CSMD3: variants seen among roughly 807,000 people sequenced by gnomAD.
CSMD3 encodes the protein CUB and sushi domain-containing protein 3.
Under a neutral mutation model 435.2 loss-of-function variants are expected in CSMD3, and 177 were observed. That is an observed-to-expected ratio of 0.41 (90% CI 0.36 to 0.46). The LOEUF is 0.46. Among genes scored for constraint, CSMD3 ranks in the 20% least tolerant of loss-of-function variants. CSMD3 has a pLI of 0.34. For missense variants in CSMD3, 4,265 were observed against 4,504.6 expected, an observed-to-expected ratio of 0.95 and a Z score of 1.52; for synonymous variants, 1,656 against 1,520.5, an observed-to-expected ratio of 1.09 and a Z score of -2.07.
At chr8:112,653,541 T>A (rs945845537) in intron 18 of CSMD3, among the ~76,000 whole-genome samples, 8 of 151,994 alleles carry the variant, frequency 5.3e-5, no homozygotes, top group African/African-American at 1.9e-4. Flanking sequence ...TACAACATAA[T>A]AAACAGACGT....
At chr8:113,057,565 AT>A (rs1375432090) in intron 5 of CSMD3, among the ~76,000 whole-genome samples, 5 of 152,072 alleles carry the variant, frequency 3.3e-5, no homozygotes, top group Admixed American at 2.0e-4. Context: ...TTTTGGCCAT[AT>A]TATTATCACT....
intron 5 of CSMD3, among the ~76,000 whole-genome samples, chr8:113,058,491 G>T (rs2088451185): frequency 6.6e-6 from 1 of 151,738 alleles, no homozygotes; most frequent in Admixed American, 6.6e-5. Flanking sequence ...AAAAATGTTG[G>T]AAATACAGCC....
intron 10 of CSMD3, among the ~76,000 whole-genome samples, chr8:112,877,990 T>C (rs2081337162): frequency 6.6e-6 from 1 of 152,112 alleles, no homozygotes; most frequent in Admixed American, 6.6e-5. Flanking sequence ...GGCAATACTA[T>C]TTAGGACATA....
chr8:112,963,359 T>G (rs1476243276), intron 7 of CSMD3, among the ~76,000 whole-genome samples: 1 of 151,946 alleles, frequency 6.6e-6, no homozygotes, highest in Admixed American at 6.6e-5. Context: ...TTAGGCAACA[T>G]TCTATTGTTT....
intron 10 of CSMD3, among the ~76,000 whole-genome samples, chr8:112,906,478 C>T (rs554028496): frequency 6.6e-6 from 1 of 151,422 alleles, no homozygotes; most frequent in African/African-American, 2.4e-5. Context: ...AAAAAAACGT[C>T]TCTAATAATT....
intron 13 of CSMD3, among the ~76,000 whole-genome samples, chr8:112,723,913 T>C (rs1165632958): frequency 6.6e-6 from 1 of 152,012 alleles, no homozygotes; most frequent in African/African-American, 2.4e-5. Context: ...CTAAGCCATG[T>C]ATTGTTCTAG....
chr8:112,383,495 A>G (rs892614696), intron 37 of CSMD3, 72 bp downstream of exon 37: 125 of 828,922 alleles, frequency 1.5e-4, no homozygotes, highest in Admixed American at 9.2e-5. Context: ...TAAGAGTTGT[A>G]GATAGCTCTT....
In CSMD3 at chr8:112,291,541, T is replaced by A; in HGVS notation, c.8943A>T (p.Gly2981=). 1.2e-6 allele frequency: 2 copies of A among 1,611,278 alleles called. No individual in the cohort carries two copies. The highest frequency in any genetic ancestry group is 3.3e-5 in the Admixed American group (2 of 59,826). ...GSSVLICQPN[G]QWDKPLPECI... is the part of the protein sequence containing the mutation. ...ATTCTGGTAAAGGTTTGTCCCATTGTCCATTTGGTTGACATATCAAAACTG... is the reference window on the plus strand; with the variant it reads ...ATTCTGGTAAAGGTTTGTCCCATTGACCATTTGGTTGACATATCAAAACTG... The change falls in exon 56 of 71, where the codon GGA becomes GGT. Residue 2981 remains glycine (G), a synonymous_variant. Transcript: ENST00000297405.
At chr8:112,500,609 C>T (rs1205291574) in intron 30 of CSMD3, among the ~76,000 whole-genome samples, 5 of 152,102 alleles carry the variant, frequency 3.3e-5, no homozygotes, top group Admixed American at 2.6e-4. Flanking sequence ...GATAATGATA[C>T]AGGAGTTAAT....
intron 2 of CSMD3, chr8:113,309,661 C>T (rs2093852183): frequency 6.6e-6 from 1 of 152,124 alleles, no homozygotes; most frequent in African/African-American, 2.4e-5. Flanking sequence ...TGACTATGAC[C>T]TTGTGATAAT....
chr8:112,425,147 C>T (rs1036490672), intron 32 of CSMD3, among the ~76,000 whole-genome samples: 1 of 152,074 alleles, frequency 6.6e-6, no homozygotes, highest in African/African-American at 2.4e-5. Context: ...ATCAAAAAGC[C>T]TCATGTAAAT....
At chr8:112,571,156 T>A (rs924017895) in intron 24 of CSMD3, among the ~76,000 whole-genome samples, 1 of 152,048 alleles carries the variant, frequency 6.6e-6, no homozygotes, top group Admixed American at 6.6e-5. Context: ...TACAGGCATG[T>A]GCCACCACGC....
At chr8:113,434,218 ACTGCCTGC>A (rs2094691811) in intron 1 of CSMD3, among the ~76,000 whole-genome samples, 1 of 152,016 alleles carries the variant, frequency 6.6e-6, no homozygotes, top group Non-Finnish European at 1.5e-5. Context: ...CACGTGGAAA[ACTGCCTGC>A]CTCGGACTTC....
intron 40 of CSMD3, among the ~76,000 whole-genome samples, chr8:112,347,913 A>G (rs2131034149): frequency 6.6e-6 from 1 of 152,318 alleles, no homozygotes; most frequent in South Asian, 2.1e-4. Flanking sequence ...TGCCTTCACA[A>G]TTTCAAGTCT....
chr8:113,335,705 T>C (rs922055935), intron 1 of CSMD3, among the ~76,000 whole-genome samples: 29 of 152,084 alleles, frequency 1.9e-4, no homozygotes, highest in African/African-American at 7.0e-4. Flanking sequence ...CTATAAATGT[T>C]AATTACATCC....
chr8:112,452,992 C>T lies in CSMD3; in HGVS notation c.5395+19599G>A, dbSNP rs570384317. On this transcript the variant is annotated intron_variant, in intron 32 of 70. Coordinates refer to ENST00000297405, the MANE Select transcript of CSMD3 (RefSeq NM_198123.2). ...AATTAATTGAGCGTTTTGCAAATGG[C>T]GTGTACTGTGCTCAATGCTTTAAAT... Among the ~76,000 whole-genome samples the T allele has an allele frequency of 1.2e-3, 179 of 152,230 alleles. No homozygotes were observed. In the Middle Eastern group the frequency reaches 0.014, roughly 12 times the overall value.
chr8:113,354,101 G>A (rs752507715), intron 1 of CSMD3, among the ~76,000 whole-genome samples: 10 of 152,008 alleles, frequency 6.6e-5, no homozygotes, highest in South Asian at 2.1e-4. Context: ...ATGAATGACC[G>A]ACCATTGCAT....
In CSMD3 at chr8:112,441,960, T is replaced by C. The variant is rs371417106; in HGVS notation, c.5395+30631A>G. Among the ~76,000 whole-genome samples the C allele has an allele frequency of 9.2e-5, 14 of 152,302 alleles. No individual in the cohort carries two copies. In the East Asian group the frequency reaches 2.7e-3, roughly 29 times the overall value. ...TTGGTAAACATTTGAGTACCGTTTA[T>C]GAAGAAATGTGTATTATTCCATTTG... On this transcript the variant is annotated intron_variant, in intron 32 of 70. Transcript: ENST00000297405.
intron 3 of CSMD3, among the ~76,000 whole-genome samples, chr8:113,208,908 A>C (rs1205055244): frequency 1.3e-5 from 2 of 152,110 alleles, no homozygotes; most frequent in Non-Finnish European, 2.9e-5. Flanking sequence ...TATCAATGAG[A>C]GCAAAATATT....
Sources: allele counts gnomAD v4.1 joint callset (sites outside exome capture counted in the v4.1 genomes callset), GRCh38; gene constraint gnomAD v4.1.1; transcripts MANE v1.5; gene names NCBI Gene and HGNC (gene_info 2026-07-23, HGNC 2026-07-21).